ANO6: variants seen among roughly 807,000 people sequenced by gnomAD.
ANO6 encodes anoctamin-6.
ANO6 carries 106 observed loss-of-function variants against 117.5 expected under a neutral mutation model. That is an observed-to-expected ratio of 0.90 (90% CI 0.77 to 1.06). ANO6 has a LOEUF of 1.06. ANO6 is among the 50% of genes least tolerant of loss of function. ANO6 has a pLI of 0.00. For missense variants in ANO6, 955 were observed against 1,121.1 expected, an observed-to-expected ratio of 0.85 and a Z score of 2.12; for synonymous variants, 367 against 385.1, an observed-to-expected ratio of 0.95 and a Z score of 0.55.
At position 45,421,062 on chromosome 12, in the gene ANO6, C is replaced by T; in HGVS notation, c.2218-9C>T. 1 of 1,613,832 alleles carries T rather than the reference C, an allele frequency of 6.2e-7. No homozygotes were observed. Among genetic ancestry groups the T allele is most frequent in the Non-Finnish European group, 8.5e-7 (1 of 1,179,854 alleles). On this transcript the variant is annotated splice_polypyrimidine_tract_variant and intron_variant, in intron 17 of 19. Transcript: ENST00000320560. ...ACTTCATTTTCGCTTTGTTTTTCTC[C>T]CAAAATAGGCCATGATCATAGCTTT... is the stretch of plus-strand genomic sequence containing the variant.
At chr12:45,389,436 CA>C (rs201860582) in intron 11 of ANO6, among the ~76,000 whole-genome samples, 2,130 of 152,198 alleles carry the variant, frequency 0.014, 23 homozygotes, top group Non-Finnish European at 0.021. Context: ...CTTATAATAC[CA>C]GCAACATGGG....
At chr12:45,226,119 G>A (rs1337070029) in intron 1 of ANO6, among the ~76,000 whole-genome samples, 1 of 152,086 alleles carries the variant, frequency 6.6e-6, no homozygotes, top group African/African-American at 2.4e-5. Context: ...TTTTGGACAT[G>A]GACCAAAGAG....
chr12:45,281,949 C>A (rs1398876372), intron 1 of ANO6, among the ~76,000 whole-genome samples: 1 of 152,016 alleles, frequency 6.6e-6, no homozygotes, highest in Non-Finnish European at 1.5e-5. Flanking sequence ...GCAATAGTCC[C>A]AATAACAGAT....
chr12:45,421,193 C>A lies in ANO6; in HGVS notation c.2340C>A (p.Leu780=), dbSNP rs774373709. 1 of 1,614,194 alleles carries A rather than the reference C, an allele frequency of 6.2e-7. No homozygotes were observed. The highest frequency in any genetic ancestry group is 8.5e-7 in the Non-Finnish European group (1 of 1,180,022). The change falls in exon 18 of 20, where the codon CTC becomes CTA. Residue 780 remains leucine (L), a synonymous_variant. Coordinates refer to ENST00000320560, the MANE Select transcript of ANO6 (RefSeq NM_001025356.3). The stretch of plus-strand genomic sequence containing the variant: ...TGGAAGGGTACATCAACAACACTCT[C>A]TCCATCTTCAAAGTCGCAGACTTCA... ...YTMEGYINNT[L]SIFKVADFKN... is the part of the protein sequence containing the mutation.
At chr12:45,274,999 A>G (rs73281407) in intron 1 of ANO6, among the ~76,000 whole-genome samples, 2,227 of 151,642 alleles carry the variant, frequency 0.015, 46 homozygotes, top group African/African-American at 0.05. Context: ...AAATTAGTAT[A>G]TGTACATTTG....
chr12:45,420,889 G>A (rs1245473046), intron 17 of ANO6, among the ~76,000 whole-genome samples, 182 bp from the exon 18 acceptor site: 2 of 152,178 alleles, frequency 1.3e-5, no homozygotes, highest in African/African-American at 4.8e-5. Flanking sequence ...GCCAGGCGTG[G>A]TGGCACGTGC....
chr12:45,424,893 A>T (rs943023842), intron 19 of ANO6, among the ~76,000 whole-genome samples: 1 of 152,136 alleles, frequency 6.6e-6, no homozygotes, highest in Non-Finnish European at 1.5e-5. Context: ...TTCTCAGATC[A>T]AGCTAATCAA....
At chr12:45,410,715 G>A (rs1943065166) in intron 16 of ANO6, among the ~76,000 whole-genome samples, 1 of 152,168 alleles carries the variant, frequency 6.6e-6, no homozygotes, top group Non-Finnish European at 1.5e-5. Flanking sequence ...GGCTTTGCAT[G>A]TTGGCAAAGA....
intron 1 of ANO6, among the ~76,000 whole-genome samples, chr12:45,300,063 A>G (rs971248427): frequency 5.9e-5 from 9 of 152,330 alleles, no homozygotes; most frequent in African/African-American, 2.2e-4. Flanking sequence ...TTCTAGATCA[A>G]TAGGAACCCA....
chr12:45,416,597 T>G, intron 16 of ANO6, 102 bp from the exon 17 acceptor site: 1 of 1,039,972 alleles, frequency 9.6e-7, no homozygotes, highest in Non-Finnish European at 1.5e-6. Context: ...GTGTTTTCTC[T>G]CTGGGATTTA....
At chr12:45,384,856 A>T (rs1030783508) in intron 10 of ANO6, among the ~76,000 whole-genome samples, 1 of 152,098 alleles carries the variant, frequency 6.6e-6, no homozygotes, top group East Asian at 1.9e-4. Flanking sequence ...GTTGCCACAA[A>T]CAATCAATTT....
intron 1 of ANO6, among the ~76,000 whole-genome samples, chr12:45,225,389 C>T (rs1324179810): frequency 2.0e-5 from 3 of 151,988 alleles, no homozygotes; most frequent in Admixed American, 6.6e-5. Context: ...CGTCTTGAAG[C>T]GGGGAGAAGA....
chr12:45,224,500 ACT>A (rs1296781599), intron 1 of ANO6, among the ~76,000 whole-genome samples: 10 of 151,848 alleles, frequency 6.6e-5, no homozygotes, highest in African/African-American at 2.2e-4. Flanking sequence ...CTATCCTCAA[ACT>A]CTCTTTTAGA....
chr12:45,265,741 C>T (rs1592893944), intron 1 of ANO6, among the ~76,000 whole-genome samples: 1 of 152,208 alleles, frequency 6.6e-6, no homozygotes, highest in Non-Finnish European at 1.5e-5. Context: ...AGACTCTATA[C>T]TGTGTAGGGA....
intron 19 of ANO6, among the ~76,000 whole-genome samples, chr12:45,427,270 C>G (rs1030596647): frequency 2.6e-5 from 4 of 152,130 alleles, no homozygotes; most frequent in Non-Finnish European, 5.9e-5. Flanking sequence ...CACTCAGAGT[C>G]AGAGCCAGAG....
chr12:45,236,886 A>T (rs1057473282), intron 1 of ANO6, among the ~76,000 whole-genome samples: 2 of 152,182 alleles, frequency 1.3e-5, no homozygotes, highest in Admixed American at 6.5e-5. Context: ...CCTCTCCAGC[A>T]TCTGTTGTTC....
chr12:45,411,297 TCCTGC>T (rs1289706040), intron 16 of ANO6, among the ~76,000 whole-genome samples: 1 of 152,240 alleles, frequency 6.6e-6, no homozygotes, highest in Non-Finnish European at 1.5e-5. Flanking sequence ...TTCTGCCTCA[TCCTGC>T]CCTACAAGAA....
At chr12:45,274,734 C>T (rs1938495202) in intron 1 of ANO6, among the ~76,000 whole-genome samples, 1 of 151,254 alleles carries the variant, frequency 6.6e-6, no homozygotes, top group Admixed American at 6.6e-5. Context: ...CTCTGCGTGT[C>T]TCTTAACTGT....
intron 1 of ANO6, among the ~76,000 whole-genome samples, chr12:45,271,659 T>A (rs535280218): frequency 6.6e-6 from 1 of 152,352 alleles, no homozygotes; most frequent in East Asian, 1.9e-4. Context: ...AGATTTGCAC[T>A]ATTTACATTT....
Sources: gnomAD v4.1 joint callset for allele counts (sites outside exome capture counted in the v4.1 genomes callset) on GRCh38, gnomAD v4.1.1 for gene constraint, MANE v1.5 for transcripts, NCBI Gene and HGNC (gene_info 2026-07-23, HGNC 2026-07-21) for gene names.